Variants in SMARCA2 observed in about 807,000 individuals in gnomAD.
SMARCA2 encodes SWI/SNF related BAF chromatin remodeling complex subunit ATPase 2.
A neutral mutation model predicts 199.8 loss-of-function variants in SMARCA2; 61 were observed. That is an observed-to-expected ratio of 0.31 (90% CI 0.25 to 0.38). SMARCA2 has a LOEUF of 0.38. Ranked by LOEUF, SMARCA2 falls within the 10% of genes least tolerant of loss-of-function variation. SMARCA2 has a pLI of 1.00. For missense variants in SMARCA2, 1,344 were observed against 2,012.2 expected (o/e 0.67, Z 6.35); for synonymous variants, 935 against 732.0 (o/e 1.28, Z -4.48).
chr9:2,026,866 G>A (rs1818854777), intron 1 of SMARCA2, among the ~76,000 whole-genome samples: 1 of 152,188 alleles, frequency 6.6e-6, no homozygotes, highest in Non-Finnish European at 1.5e-5. Flanking sequence ...AGTTCCGTCT[G>A]CTTTGTTCAT....
chr9:2,058,475 C>T lies in SMARCA2; in HGVS notation c.1521+11C>T. On this transcript the variant is annotated intron_variant, in intron 8 of 33. Transcript: ENST00000349721. ...ATGCGGCGACTGATGGTAAGGAACT[C>T]CCTGCAGGAGCCCAGGAAACTACTC... 6.2e-7 allele frequency: 1 copy of T among 1,612,220 alleles called. No homozygotes were observed. The highest frequency in any genetic ancestry group is 8.5e-7 in the Non-Finnish European group (1 of 1,178,660).
In SMARCA2 at chr9:2,101,557, C is replaced by G. The variant is rs745659257; in HGVS notation, c.3079-13C>G. The G allele has an allele frequency of 2.8e-6, 4 of 1,416,524 alleles. No individual in the cohort carries two copies. In the Admixed American group the frequency reaches 5.9e-5, roughly 21 times the overall value. The allele number at this position is 1,416,524 out of a possible 1,614,324, so 87.7% of individuals were successfully genotyped here. On this transcript the variant is annotated splice_polypyrimidine_tract_variant and intron_variant, in intron 21 of 33. Coordinates refer to ENST00000349721, the MANE Select transcript of SMARCA2 (RefSeq NM_003070.5). The stretch of plus-strand genomic sequence containing the variant: ...TTTTTTAAAATCATTCTTTCTATCT[C>G]TCTCTTTTAAAGGAATCCTTTGCTG...
At chr9:2,101,142 A>G (rs1345039697) in intron 21 of SMARCA2, among the ~76,000 whole-genome samples, 1 of 152,164 alleles carries the variant, frequency 6.6e-6, no homozygotes, top group Non-Finnish European at 1.5e-5. Flanking sequence ...TTGAGTAGGG[A>G]CACAGCCAAA....
intron 27 of SMARCA2, among the ~76,000 whole-genome samples, chr9:2,129,863 C>CT (rs980442839): frequency 2.0e-5 from 3 of 151,932 alleles, no homozygotes; most frequent in South Asian, 4.1e-4. Flanking sequence ...CAGACAAATT[C>CT]TTTTTTTTGA....
At chr9:2,164,594 A>G (rs1438556338) in intron 28 of SMARCA2, among the ~76,000 whole-genome samples, 1 of 152,172 alleles carries the variant, frequency 6.6e-6, no homozygotes, top group Non-Finnish European at 1.5e-5. Flanking sequence ...AGGTAGGTGA[A>G]TGGACCTCTG....
intron 28 of SMARCA2, among the ~76,000 whole-genome samples, chr9:2,168,078 G>A (rs1826027582): frequency 6.9e-6 from 1 of 145,590 alleles, no homozygotes. Context: ...TTGCCCAGCT[G>A]GAGTGCAGTG....
At chr9:2,020,168 A>G (rs1818538610) in intron 1 of SMARCA2, among the ~76,000 whole-genome samples, 2 of 152,224 alleles carry the variant, frequency 1.3e-5, no homozygotes, top group Admixed American at 1.3e-4. Flanking sequence ...TCTTGTGAAC[A>G]GATGAGAAAA....
rs1434284433 is a variant in SMARCA2 at position 2,161,728 on chromosome 9, C to G, written c.4024C>G (p.Arg1342Gly). 1 of 1,613,834 alleles carries G rather than the reference C, an allele frequency of 6.2e-7. No individual in the cohort carries two copies. Among genetic ancestry groups the G allele is most frequent in the Admixed American group, 1.7e-5 (1 of 59,988 alleles). ...GNLEEMEEEV[R>G]LKKRKRRRNV... is the part of the protein sequence containing the mutation. The stretch of plus-strand genomic sequence containing the variant: ...TTTGGAGGAAATGGAAGAGGAAGTA[C>G]GGCTTAAGAAGCGAAAAAGACGAAG... The change falls in exon 28 of 34, where the codon CGG becomes GGG. Residue 1342 changes from arginine (R) to glycine (G), a missense_variant. Around this residue, in one of 18 missense-constraint regions of SMARCA2, gnomAD observed 16 missense variants for 29.7 expected, o/e 0.54. Coordinates refer to ENST00000349721, the MANE Select transcript of SMARCA2 (RefSeq NM_003070.5). This position sits in a 1 kb window ranked among gnomAD's most constrained non-coding sequence, Gnocchi z 4.7.
At chr9:2,065,004 G>A (rs1283395435) in intron 9 of SMARCA2, among the ~76,000 whole-genome samples, 2 of 152,138 alleles carry the variant, frequency 1.3e-5, no homozygotes, top group African/African-American at 4.8e-5. Flanking sequence ...CTAACATGTT[G>A]AAACCCCATC....
intron 5 of SMARCA2, among the ~76,000 whole-genome samples, chr9:2,050,132 T>G (rs1013714750): frequency 6.6e-6 from 1 of 152,204 alleles, no homozygotes; most frequent in Non-Finnish European, 1.5e-5. Context: ...CGTTGACAAA[T>G]TGACCTTCTT....
Position 2,141,538 on chromosome 9 carries a change from G to C in SMARCA2, c.3981+17601G>C, listed in dbSNP as rs1333746545. On this transcript the variant is annotated intron_variant, in intron 27 of 33. Coordinates refer to ENST00000349721, the MANE Select transcript of SMARCA2 (RefSeq NM_003070.5). ...AGCCTGTAGCATTGAACGTCTTCAA[G>C]CCTTTTAACTCTCAAAGCTAAAATA... 9.9e-5 allele frequency among the ~76,000 whole-genome samples: 15 copies of C among 152,230 alleles called. No homozygotes were observed. The East Asian group carries it at 2.9e-3, about 29-fold the overall frequency.
chr9:2,121,162 C>T (rs544214612), intron 26 of SMARCA2, among the ~76,000 whole-genome samples: 68 of 152,276 alleles, frequency 4.5e-4, no homozygotes, highest in Admixed American at 5.9e-4. Flanking sequence ...TTCAGCAGCC[C>T]TGAAGTAAGG....
rs1450923930 is a variant in SMARCA2 at position 2,070,395 on chromosome 9, C to T, written c.1693-23C>T. Reference sequence around the variant, plus strand: ...ACCCCATCATCTTGGTTACTTATAACATTCGACATTGTTGTTTTGCAGAAG... The same window carrying T: ...ACCCCATCATCTTGGTTACTTATAATATTCGACATTGTTGTTTTGCAGAAG... On this transcript the variant is annotated intron_variant, in intron 9 of 33. Transcript: ENST00000349721. 1.9e-6 allele frequency: 3 copies of T among 1,609,770 alleles called. No homozygotes were observed. The Admixed American group carries it at 5.0e-5, about 27-fold the overall frequency.
intron 27 of SMARCA2, among the ~76,000 whole-genome samples, chr9:2,145,782 G>C (rs1203153759): frequency 6.6e-6 from 1 of 152,146 alleles, no homozygotes; most frequent in East Asian, 1.9e-4. Flanking sequence ...TCATTACTGT[G>C]CTATGTACTC....
intron 5 of SMARCA2, 30 bp from the exon 6 acceptor site, chr9:2,054,567 C>T (rs565595072): frequency 1.3e-6 from 2 of 1,599,152 alleles, no homozygotes; most frequent in African/African-American, 1.3e-5. Context: ...TTCCCCTGCC[C>T]CCTTTTCCCC....
Position 2,060,860 on chromosome 9 carries a change from A to G in SMARCA2, c.1566A>G (p.Lys522=), listed in dbSNP as rs1213029954. 2 of 1,614,174 alleles carry G rather than the reference A, an allele frequency of 1.2e-6. No homozygotes were observed. The highest frequency in any genetic ancestry group is 1.7e-6 in the Non-Finnish European group (2 of 1,179,974). The change falls in exon 9 of 34, where the codon AAA becomes AAG. Residue 522 remains lysine (K), a synonymous_variant. Coordinates refer to ENST00000349721, the MANE Select transcript of SMARCA2 (RefSeq NM_003070.5). ...EGYRKLIDQK[K]DRRLAYLLQQ... ...ATAGAAAACTGATTGATCAAAAGAA[A>G]GACAGGCGTTTAGCTTACCTTTTGC...
At chr9:2,051,464 T>G (rs1040269134) in intron 5 of SMARCA2, among the ~76,000 whole-genome samples, 1 of 152,094 alleles carries the variant, frequency 6.6e-6, no homozygotes, top group Non-Finnish European at 1.5e-5. Flanking sequence ...CCACCCCCCA[T>G]CTCCTCATTT....
At chr9:2,076,527 C>A (rs568837415) in intron 13 of SMARCA2, among the ~76,000 whole-genome samples, 198 bp downstream of exon 13, 4 of 151,496 alleles carry the variant, frequency 2.6e-5, no homozygotes, top group Non-Finnish European at 4.4e-5. Context: ...CCCTCCCTCC[C>A]TTCCTTCCTT....
rs747142822 is a variant in SMARCA2, at chr9:2,186,188, A to C, written c.4554A>C (p.Glu1518Asp). Residue 1518 changes from glutamate to aspartate, a missense_variant, in exon 32 of 34, where the codon GAA becomes GAC. Around this residue, in one of 18 missense-constraint regions of SMARCA2, gnomAD observed 155 missense variants for 121.1 expected, o/e 1.28. Coordinates refer to ENST00000349721, the MANE Select transcript of SMARCA2 (RefSeq NM_003070.5). ...KEEESEDESN[E>D]EEEEEDEEES... ...AAGAGAGTGAGGATGAAAGCAATGAAGAGGAGGAAGAGGAAGATGAAGAAG... is the reference window on the plus strand; with the variant it reads ...AAGAGAGTGAGGATGAAAGCAATGACGAGGAGGAAGAGGAAGATGAAGAAG... 6.2e-7 allele frequency: 1 copy of C among 1,614,098 alleles called. No homozygotes were observed. Among genetic ancestry groups the C allele is most frequent in the Non-Finnish European group, 8.5e-7 (1 of 1,179,950 alleles).
Sources: gnomAD v4.1 joint callset for allele counts (sites outside exome capture counted in the v4.1 genomes callset) on GRCh38, gnomAD v4.1.1 for gene constraint, gnomAD v4.1.1 regional missense constraint, Gnocchi (gnomAD v3.1) non-coding constraint, MANE v1.5 for transcripts, NCBI Gene and HGNC (gene_info 2026-07-23, HGNC 2026-07-21) for gene names.